GNAI2: variants seen among roughly 807,000 people sequenced by gnomAD.
GNAI2 encodes the protein guanine nucleotide-binding protein G(i) subunit alpha-2.
In GNAI2, 4 loss-of-function variants were observed where a neutral mutation model predicts 36.8. The ratio of observed to expected loss-of-function variants is 0.11; its 90% CI spans 0.05 to 0.25. GNAI2 has a LOEUF of 0.25. Ranked by LOEUF, GNAI2 falls within the 10% of genes least tolerant of loss-of-function variation. The pLI is 1.00. For missense variants in GNAI2, 230 were observed against 481.3 expected (o/e 0.48, Z 4.89); for synonymous variants, 194 against 194.1 (o/e 1.00, Z 0.01).
In GNAI2 at chr3:50,252,593, G is replaced by T. The variant is rs1342293439; in HGVS notation, c.303+55G>T. The T allele has an allele frequency of 9.6e-6, 14 of 1,450,780 alleles. No homozygotes were observed. The South Asian group carries it at 1.6e-4, about 17-fold the overall frequency. The allele number at this position is 1,450,780 out of a possible 1,614,324, so 89.9% of individuals were successfully genotyped here. ...CCTCCCAAAAGGTTTCGGGGTGGCT[G>T]GTTGTGGTGGCTCATGCCTATAAAT... On this transcript the variant is annotated intron_variant, in intron 3 of 8. Transcript: ENST00000313601. The surrounding 1 kb of genome is among the most constrained non-coding windows in gnomAD (Gnocchi z 4.1).
intron 1 of GNAI2, among the ~76,000 whole-genome samples, chr3:50,248,443 G>C (rs1226777720): frequency 6.6e-6 from 1 of 152,144 alleles, no homozygotes; most frequent in Non-Finnish European, 1.5e-5. Context: ...AGGGCACTTA[G>C]CCTGTGGGCT....
Position 50,257,642 on chromosome 3 carries a change from C to G in GNAI2, c.1020C>G (p.Val340=). Residue 340 remains valine (V), a synonymous_variant, in exon 8 of 9, where the codon GTC becomes GTG. Coordinates refer to ENST00000313601, the MANE Select transcript of GNAI2 (RefSeq NM_002070.4). ...ACGTGCAGTTCGTGTTTGACGCCGT[C>G]ACCGATGTCATCATCAAGAACAACC... ...TKNVQFVFDA[V]TDVIIKNNLK... is the part of the protein sequence containing the mutation. The G allele has an allele frequency of 6.2e-7, 1 of 1,605,280 alleles. No individual in the cohort carries two copies.
upstream of GNAI2, among the ~76,000 whole-genome samples, chr3:50,228,550 CAA>C (rs587623155): frequency 1.3e-3 from 119 of 94,748 alleles, no homozygotes; most frequent in Admixed American, 2.1e-3. Flanking sequence ...ACTCCGTCTC[CAA>C]AAAAAAAAAA....
upstream of GNAI2, among the ~76,000 whole-genome samples, chr3:50,227,669 G>A (rs944563309): frequency 2.6e-5 from 4 of 152,260 alleles, no homozygotes; most frequent in Admixed American, 6.5e-5. This position sits in a 1 kb window ranked among gnomAD's most constrained non-coding sequence, Gnocchi z 5.9. Context: ...TGGGCGGGGC[G>A]TGGGTGAGAG....
intron 1 of GNAI2, among the ~76,000 whole-genome samples, chr3:50,239,235 A>G (rs782043900): frequency 8.5e-5 from 13 of 152,230 alleles, no homozygotes; most frequent in Non-Finnish European, 1.9e-4. Context: ...AAAAGGAGAC[A>G]GTGTCCACCA....
At chr3:50,250,309 G>C (rs990050414) in intron 1 of GNAI2, among the ~76,000 whole-genome samples, 1 of 152,176 alleles carries the variant, frequency 6.6e-6, no homozygotes, top group Non-Finnish European at 1.5e-5. Flanking sequence ...TTCATCCTCT[G>C]AGGTTGTTTT....
Position 50,238,494 on chromosome 3 carries a change from G to A in GNAI2, c.118+2041G>A, listed in dbSNP as rs1700232989. 1 of 152,350 alleles carries A rather than the reference G, an allele frequency of 6.6e-6. No homozygotes were observed. The highest frequency in any genetic ancestry group is 2.1e-4 in the South Asian group (1 of 4,838). The allele number at this position is 152,350 out of a possible 1,614,324, so 9.4% of individuals were successfully genotyped here. A position where few individuals can be genotyped will look rare whatever the true frequency, so the allele number is the denominator to read the frequency against. ...GCAGGGTCTGGCTTAGCACTTTCTA[G>A]CCTGGGAAGTTCACCCTGGGGTCCT... On this transcript the variant is annotated intron_variant, in intron 1 of 8. Transcript: ENST00000313601. The surrounding 1 kb of genome is among the most constrained non-coding windows in gnomAD (Gnocchi z 5.0).
upstream of GNAI2, chr3:50,236,124 G>A: frequency 2.8e-6 from 3 of 1,079,508 alleles, no homozygotes; most frequent in Non-Finnish European, 2.3e-6. The surrounding 1 kb of genome is among the most constrained non-coding windows in gnomAD (Gnocchi z 4.0). Flanking sequence ...CCCCGGCCCA[G>A]TCACAGGCTT....
upstream of GNAI2, among the ~76,000 whole-genome samples, chr3:50,234,735 G>A (rs1457879427): frequency 6.6e-6 from 1 of 152,208 alleles, no homozygotes; most frequent in Non-Finnish European, 1.5e-5. Context: ...TGCTTCAGGG[G>A]CCTTCCCTTT....
intron 1 of GNAI2, among the ~76,000 whole-genome samples, chr3:50,250,795 G>A (rs1553702336): frequency 6.6e-6 from 1 of 151,618 alleles, no homozygotes; most frequent in African/African-American, 2.4e-5. Context: ...GTCTGGGATG[G>A]GACCTGGGAG....
chr3:50,235,611 C>T (rs1553700221), upstream of GNAI2, among the ~76,000 whole-genome samples: 2 of 152,140 alleles, frequency 1.3e-5, no homozygotes, highest in African/African-American at 4.8e-5. Context: ...TGAGCCACTG[C>T]GCCCGGCCTT....
rs1421080305 is a variant in GNAI2, at chr3:50,236,248, G to T, written c.-88G>T. 8 of 1,204,490 alleles carry T rather than the reference G, an allele frequency of 6.6e-6. No individual in the cohort carries two copies. Among genetic ancestry groups the T allele is most frequent in the Non-Finnish European group, 8.2e-6 (8 of 969,744 alleles). The allele number at this position is 1,204,490 out of a possible 1,614,324, so 74.6% of individuals were successfully genotyped here. A position where few individuals can be genotyped will look rare whatever the true frequency, so the allele number is the denominator to read the frequency against. On this transcript the variant is annotated 5_prime_UTR_variant, in exon 1 of 9. Transcript: ENST00000313601. This position sits in a 1 kb window ranked among gnomAD's most constrained non-coding sequence, Gnocchi z 4.0. ...CCCGAGTGCTTCCCGCAGAGGGCTG[G>T]TGGTGGGAGCGGAGTGGGTCGGGCG...
chr3:50,239,862 G>C (rs886894570), intron 1 of GNAI2: 1 of 152,316 alleles, frequency 6.6e-6, no homozygotes, highest in Non-Finnish European at 1.5e-5. Context: ...AGTCGAGCTT[G>C]AGCTGGCTGG....
Position 50,241,286 on chromosome 3 carries a change from G to A in GNAI2, c.118+4833G>A, listed in dbSNP as rs1553701106. On this transcript the variant is annotated intron_variant, in intron 1 of 8. Coordinates refer to ENST00000313601, the MANE Select transcript of GNAI2 (RefSeq NM_002070.4). This position sits in a 1 kb window ranked among gnomAD's most constrained non-coding sequence, Gnocchi z 5.0. ...CTGGAGCTCATTAGCACTTGAATGG[G>A]GGGCGGGGCGGCTTGGGCCTCTGAG... Among the ~76,000 whole-genome samples, 1 of 152,210 alleles carries A rather than the reference G, an allele frequency of 6.6e-6. No homozygotes were observed. The highest frequency in any genetic ancestry group is 1.5e-5 in the Non-Finnish European group (1 of 68,026).
At position 50,236,288 on chromosome 3, in the gene GNAI2, C is replaced by T; in HGVS notation, c.-48C>T. 3 of 1,300,462 alleles carry T rather than the reference C, an allele frequency of 2.3e-6. No homozygotes were observed. Among genetic ancestry groups the T allele is most frequent in the Non-Finnish European group, 1.9e-6 (2 of 1,026,144 alleles). The allele number at this position is 1,300,462 out of a possible 1,614,324, so 80.6% of individuals were successfully genotyped here. On this transcript the variant is annotated 5_prime_UTR_variant, in exon 1 of 9. Transcript: ENST00000313601. This position sits in a 1 kb window ranked among gnomAD's most constrained non-coding sequence, Gnocchi z 4.0. ...TGGGTCGGGCGGGGCCGAGCCGGGC[C>T]GTGGGCCGTGTGGGGGCCGGGCGGC...
chr3:50,227,598 A>C (rs1398279194), upstream of GNAI2: 1 of 158,496 alleles, frequency 6.3e-6, no homozygotes, highest in African/African-American at 2.4e-5. This position sits in a 1 kb window ranked among gnomAD's most constrained non-coding sequence, Gnocchi z 5.9. Context: ...GGTGCAGCGC[A>C]CCCCGAGGCC....
upstream of GNAI2, among the ~76,000 whole-genome samples, chr3:50,228,911 A>G (rs1700023529): frequency 6.6e-6 from 1 of 152,266 alleles, no homozygotes; most frequent in East Asian, 1.9e-4. Flanking sequence ...GAACTCAGTG[A>G]CCAGCTTCCC....
chr3:50,256,170 C>T, intron 4 of GNAI2, 22 bp from the exon 5 acceptor site: 1 of 1,242,036 alleles, frequency 8.1e-7, no homozygotes, highest in Non-Finnish European at 1.2e-6. Flanking sequence ...CCCCCACTGA[C>T]CCTCCCACCC....
chr3:50,227,212 T>G, upstream of GNAI2: 1 of 1,387,950 alleles, frequency 7.2e-7, no homozygotes, highest in East Asian at 2.9e-5. The surrounding 1 kb of genome is among the most constrained non-coding windows in gnomAD (Gnocchi z 5.9). Flanking sequence ...ATGGCGGCTA[T>G]CGCGGAGGAG....
Sources: allele counts gnomAD v4.1 joint callset (sites outside exome capture counted in the v4.1 genomes callset), GRCh38; gene constraint gnomAD v4.1.1; non-coding constraint Gnocchi (gnomAD v3.1); transcripts MANE v1.5; gene names NCBI Gene and HGNC (gene_info 2026-07-23, HGNC 2026-07-21).